Variants in KCNQ1 observed in about 807,000 individuals in gnomAD.
KCNQ1 encodes the protein potassium voltage-gated channel subfamily Q member 1, also known as potassium voltage-gated channel subfamily KQT member 1.
A neutral mutation model predicts 72.4 loss-of-function variants in KCNQ1; 49 were observed. That is an observed-to-expected ratio of 0.68 (90% confidence interval 0.54 to 0.86). KCNQ1 has a LOEUF of 0.86. Ranked by LOEUF, KCNQ1 falls within the 40% of genes least tolerant of loss-of-function variation. The pLI is 0.00. For missense variants in KCNQ1, 790 were observed against 945.1 expected, an observed-to-expected ratio of 0.84 and a Z score of 2.15; for synonymous variants, 450 against 412.6, an observed-to-expected ratio of 1.09 and a Z score of -1.10.
rs941493682 is a variant in KCNQ1 at position 2,734,397 on chromosome 11, C to T, written c.1515-34447C>T. 2.0e-5 allele frequency among the ~76,000 whole-genome samples: 3 copies of T among 152,328 alleles called. No individual in the cohort carries two copies. The highest frequency in any genetic ancestry group is 2.9e-5 in the Non-Finnish European group (2 of 68,026). On this transcript the variant is annotated intron_variant, in intron 11 of 15. Transcript: ENST00000155840. This position sits in a 1 kb window ranked among gnomAD's most constrained non-coding sequence, Gnocchi z 7.0. ...GGGTTGAATGAGGAAGCTTCACAGC[C>T]CCCCGGCCACCGCAGGTCGGGGGAG... is the stretch of plus-strand genomic sequence containing the variant.
At chr11:2,638,607 A>AT (rs1849518755) in intron 10 of KCNQ1, 1 of 151,850 alleles carries the variant, frequency 6.6e-6, no homozygotes, top group Non-Finnish European at 1.5e-5. Context: ...TGCCCTTAAC[A>AT]TTTTTTCCTT....
Position 2,686,250 on chromosome 11 carries a change from A to C in KCNQ1, c.1514+24169A>C, listed in dbSNP as rs1344040345. ...TTTAGGCCTTGGGATAGCACACAGC[A>C]AATGTCTGCCACCCCAGTACTGCCA... On this transcript the variant is annotated intron_variant, in intron 11 of 15. Coordinates refer to ENST00000155840, the MANE Select transcript of KCNQ1 (RefSeq NM_000218.3). 1.0e-5 allele frequency: 4 copies of C among 398,642 alleles called. No homozygotes were observed. In the East Asian group the frequency reaches 1.4e-4, roughly 14 times the overall value. 24.7% of individuals were successfully genotyped at this position (398,642 alleles called of 1,614,324 possible). A position where few individuals can be genotyped will look rare whatever the true frequency, so the allele number is the denominator to read the frequency against.
chr11:2,486,549 G>A lies in KCNQ1; in HGVS notation c.386+41065G>A, dbSNP rs1253993274. 6.6e-6 allele frequency among the ~76,000 whole-genome samples: 1 copy of A among 152,128 alleles called. No homozygotes were observed. Among genetic ancestry groups the A allele is most frequent in the Non-Finnish European group, 1.5e-5 (1 of 68,022 alleles). Reference sequence around the variant, plus strand: ...TTTGTTGCCTGTGCCTTTGGTCTTTGTGTTAGTCCATTTAGCATTGCTATA... The same window carrying A: ...TTTGTTGCCTGTGCCTTTGGTCTTTATGTTAGTCCATTTAGCATTGCTATA... On this transcript the variant is annotated intron_variant, in intron 1 of 15. Transcript: ENST00000155840. The surrounding 1 kb of genome is among the most constrained non-coding windows in gnomAD (Gnocchi z 5.0).
At chr11:2,832,407 A>C (rs1847970683) in intron 15 of KCNQ1, among the ~76,000 whole-genome samples, 1 of 152,174 alleles carries the variant, frequency 6.6e-6, no homozygotes, top group African/African-American at 2.4e-5. Context: ...TGGGGCCGTC[A>C]GAGCTCCGAC....
rs2133843838 is a variant in KCNQ1, at chr11:2,651,925, C to T, written c.1394-10036C>T. The T allele has an allele frequency of 2.5e-6, 1 of 398,718 alleles. No individual in the cohort carries two copies. The highest frequency in any genetic ancestry group is 1.3e-4 in the South Asian group (1 of 7,860). 24.7% of individuals were successfully genotyped at this position (398,718 alleles called of 1,614,324 possible). A position where few individuals can be genotyped will look rare whatever the true frequency, so the allele number is the denominator to read the frequency against. On this transcript the variant is annotated intron_variant, in intron 10 of 15. Transcript: ENST00000155840. This position sits in a 1 kb window ranked among gnomAD's most constrained non-coding sequence, Gnocchi z 6.1. Reference sequence around the variant, plus strand: ...CCCTCTGGGGCCGCTTGCTCTCCTCCTACTCACAGCCCTCCTGCAGCCAGC... The same window carrying T: ...CCCTCTGGGGCCGCTTGCTCTCCTCTTACTCACAGCCCTCCTGCAGCCAGC...
At position 2,663,843 on chromosome 11, in the gene KCNQ1, G is replaced by C; in HGVS notation, c.1514+1762G>C. ...CAGTGCTGGTATCAGCACATGCCAA[G>C]CTCCCTGGAGCCAGAGGTTACCCAC... On this transcript the variant is annotated intron_variant, in intron 11 of 15. Transcript: ENST00000155840. This position sits in a 1 kb window ranked among gnomAD's most constrained non-coding sequence, Gnocchi z 5.2. 1.3e-5 allele frequency: 5 copies of C among 398,606 alleles called. No homozygotes were observed. Among genetic ancestry groups the C allele is most frequent in the Non-Finnish European group, 2.2e-5 (5 of 226,090 alleles). 24.7% of individuals were successfully genotyped at this position (398,606 alleles called of 1,614,324 possible).
At chr11:2,517,473 C>T (rs1458571360) in intron 1 of KCNQ1, among the ~76,000 whole-genome samples, 1 of 152,186 alleles carries the variant, frequency 6.6e-6, no homozygotes, top group Non-Finnish European at 1.5e-5. Context: ...CGTGTTGAGT[C>T]CCCGCTGCGT....
chr11:2,643,008 G>A, intron 10 of KCNQ1: 1 of 397,654 alleles, frequency 2.5e-6, no homozygotes, highest in Non-Finnish European at 4.4e-6. Context: ...TGCTATTGTG[G>A]TCTGAGAAGA....
intron 1 of KCNQ1, among the ~76,000 whole-genome samples, chr11:2,455,336 G>C (rs1440277181): frequency 6.6e-6 from 1 of 152,174 alleles, no homozygotes; most frequent in Non-Finnish European, 1.5e-5. Flanking sequence ...CTGACCTTGT[G>C]ATCCACCCGC....
chr11:2,530,157 C>T (rs1453084708), intron 2 of KCNQ1, among the ~76,000 whole-genome samples: 1 of 152,172 alleles, frequency 6.6e-6, no homozygotes, highest in African/African-American at 2.4e-5. Context: ...GGGCGATGTC[C>T]AATACCCTTG....
In KCNQ1 at chr11:2,847,858, G is replaced by GC. The variant is rs397508104; in HGVS notation, c.1893dup (p.Arg632GlnfsTer20). On this transcript the variant is annotated frameshift_variant, in exon 16 of 16. Transcript: ENST00000155840. LOFTEE classifies it low-confidence loss of function (END_TRUNC). The stretch of plus-strand genomic sequence containing the variant: ...GGTGGCAGCACCCCCGGCAGCGGCG[G>GC]CCCCCCCAGAGAGGGCGGGGCCCAC... 35 of 1,574,930 alleles carry GC rather than the reference G, an allele frequency of 2.2e-5. No individual in the cohort carries two copies. Among genetic ancestry groups the GC allele is most frequent in the South Asian group, 1.6e-4 (14 of 86,106 alleles).
chr11:2,627,375 T>C lies in KCNQ1; in HGVS notation c.1394-34586T>C, dbSNP rs1038923766. 5.0e-6 allele frequency: 2 copies of C among 398,384 alleles called. No individual in the cohort carries two copies. The highest frequency in any genetic ancestry group is 8.8e-6 in the Non-Finnish European group (2 of 226,030). 24.7% of individuals were successfully genotyped at this position (398,384 alleles called of 1,614,324 possible). ...AATTCCAAGTATAGAATATATTAAC[T>C]ATAGTCACCAATCTGGACGTTATGT... On this transcript the variant is annotated intron_variant, in intron 10 of 15. Coordinates refer to ENST00000155840, the MANE Select transcript of KCNQ1 (RefSeq NM_000218.3). This position sits in a 1 kb window ranked among gnomAD's most constrained non-coding sequence, Gnocchi z 4.9.
intron 6 of KCNQ1, among the ~76,000 whole-genome samples, chr11:2,573,880 C>T (rs139888053): frequency 0.012 from 1,751 of 151,726 alleles, 9 homozygotes; most frequent in Middle Eastern, 0.034. Flanking sequence ...GTGCGCCCTC[C>T]GAGCTGCAGG....
In KCNQ1 at chr11:2,677,355, A is replaced by G. The variant is rs1006035489; in HGVS notation, c.1514+15274A>G. The stretch of plus-strand genomic sequence containing the variant: ...TTCTCAAATAGAGACTGGGCAGAGT[A>G]GACCAGTTAGTTAATCAGTTGAAGA... On this transcript the variant is annotated intron_variant, in intron 11 of 15. Coordinates refer to ENST00000155840, the MANE Select transcript of KCNQ1 (RefSeq NM_000218.3). This position sits in a 1 kb window ranked among gnomAD's most constrained non-coding sequence, Gnocchi z 4.5. The G allele has an allele frequency of 4.8e-5, 19 of 398,508 alleles. No homozygotes were observed. The highest frequency in any genetic ancestry group is 8.8e-5 in the Admixed American group (2 of 22,712). 24.7% of individuals were successfully genotyped at this position (398,508 alleles called of 1,614,324 possible).
At chr11:2,789,188 C>A (rs234875) in intron 15 of KCNQ1, among the ~76,000 whole-genome samples, 46,302 of 152,000 alleles carry the variant, frequency 0.3, 7,297 homozygotes, top group Middle Eastern at 0.41. Context: ...GGAATGCACA[C>A]CCCTAAAGTC....
rs1846963914 is a variant in KCNQ1 at position 2,498,914 on chromosome 11, G to A, written c.387-29014G>A. Among the ~76,000 whole-genome samples, 1 of 152,204 alleles carries A rather than the reference G, an allele frequency of 6.6e-6. No homozygotes were observed. Among genetic ancestry groups the A allele is most frequent in the African/African-American group, 2.4e-5 (1 of 41,452 alleles). Reference sequence around the variant, plus strand: ...ACAGTCCCGGGTATCACAGATGACGGGTTGATGGGTGCAGCAACTGCATGC... The same window carrying A: ...ACAGTCCCGGGTATCACAGATGACGAGTTGATGGGTGCAGCAACTGCATGC... On this transcript the variant is annotated intron_variant, in intron 1 of 15. Transcript: ENST00000155840. This position sits in a 1 kb window ranked among gnomAD's most constrained non-coding sequence, Gnocchi z 4.8.
intron 15 of KCNQ1, among the ~76,000 whole-genome samples, chr11:2,812,428 G>A (rs1333303932): frequency 6.6e-6 from 1 of 152,140 alleles, no homozygotes; most frequent in Non-Finnish European, 1.5e-5. Flanking sequence ...TGAAAATGAT[G>A]GGGGACACAT....
At position 2,678,114 on chromosome 11, in the gene KCNQ1, C is replaced by T; in HGVS notation, c.1514+16033C>T. 1 of 398,306 alleles carries T rather than the reference C, an allele frequency of 2.5e-6. No individual in the cohort carries two copies. The highest frequency in any genetic ancestry group is 4.4e-6 in the Non-Finnish European group (1 of 225,944). 24.7% of individuals were successfully genotyped at this position (398,306 alleles called of 1,614,324 possible). ...TTGTAGAAACTTGCTTTGTCATATT[C>T]ATTGAAAATATTTTATCCTCATTTT... is the stretch of plus-strand genomic sequence containing the variant. On this transcript the variant is annotated intron_variant, in intron 11 of 15. Coordinates refer to ENST00000155840, the MANE Select transcript of KCNQ1 (RefSeq NM_000218.3). The surrounding 1 kb of genome is among the most constrained non-coding windows in gnomAD (Gnocchi z 4.9).
Position 2,491,365 on chromosome 11 carries a change from G to A in KCNQ1, c.387-36563G>A, listed in dbSNP as rs937837346. ...CAAGATAACACAGCGAAGGAATTCA[G>A]AATTCTATCAGATAAATTTAATAAA... On this transcript the variant is annotated intron_variant, in intron 1 of 15. Transcript: ENST00000155840. The surrounding 1 kb of genome is among the most constrained non-coding windows in gnomAD (Gnocchi z 4.1). 6.6e-6 allele frequency among the ~76,000 whole-genome samples: 1 copy of A among 152,166 alleles called. No individual in the cohort carries two copies. Among genetic ancestry groups the A allele is most frequent in the African/African-American group, 2.4e-5 (1 of 41,440 alleles).
Sources: allele counts gnomAD v4.1 joint callset (sites outside exome capture counted in the v4.1 genomes callset), GRCh38; gene constraint gnomAD v4.1.1; non-coding constraint Gnocchi (gnomAD v3.1); transcripts MANE v1.5; gene names NCBI Gene and HGNC (gene_info 2026-07-23, HGNC 2026-07-21).